PSMD1: variants seen among roughly 807,000 people sequenced by gnomAD.
PSMD1 encodes 26S proteasome non-ATPase regulatory subunit 1.
A neutral mutation model predicts 119.0 loss-of-function variants in PSMD1; 18 were observed. The ratio of observed to expected loss-of-function variants is 0.15; its 90% CI spans 0.10 to 0.22. PSMD1 has a LOEUF of 0.22. Ranked by LOEUF, PSMD1 falls within the 10% of genes least tolerant of loss-of-function variation. PSMD1 has a pLI of 1.00. For synonymous variants in PSMD1, 374 were observed against 396.6 expected, an observed-to-expected ratio of 0.94 and a Z score of 0.68; for missense variants, 702 against 1,158.5, an observed-to-expected ratio of 0.61 and a Z score of 5.72.
At chr2:231,133,195 G>A (rs1476157506) in intron 16 of PSMD1, among the ~76,000 whole-genome samples, 1 of 152,102 alleles carries the variant, frequency 6.6e-6, no homozygotes, top group Admixed American at 6.5e-5. Context: ...GTCTCACTCT[G>A]TCGCCCAGCC....
chr2:231,100,390 A>G (rs1294790543), intron 16 of PSMD1, among the ~76,000 whole-genome samples: 1 of 152,142 alleles, frequency 6.6e-6, no homozygotes, highest in East Asian at 1.9e-4. Flanking sequence ...CGCACAGGCT[A>G]AACTAATTCT....
In PSMD1 at chr2:231,161,353, C is replaced by A; in HGVS notation, c.2232C>A (p.Val744=). ...QGILDAGGHN[V]TISLQSRTGH... is the part of the protein sequence containing the mutation. ...CTTTTTCTACAGGTGGTCATAATGT[C>A]ACAATCTCCTTGCAGTCCAGGACTG... Residue 744 remains valine, a synonymous_variant, in exon 20 of 25, where the codon GTC becomes GTA. Transcript: ENST00000308696. The A allele has an allele frequency of 6.2e-7, 1 of 1,609,692 alleles. No homozygotes were observed. Among genetic ancestry groups the A allele is most frequent in the South Asian group, 1.1e-5 (1 of 90,268 alleles).
chr2:231,106,971 A>T (rs1694993145), intron 16 of PSMD1, among the ~76,000 whole-genome samples: 1 of 152,210 alleles, frequency 6.6e-6, no homozygotes, highest in Non-Finnish European at 1.5e-5. Context: ...CAAATCCATC[A>T]TATTAGAGAC....
chr2:231,171,636 A>C (rs1013042319), intron 24 of PSMD1, among the ~76,000 whole-genome samples: 2 of 145,048 alleles, frequency 1.4e-5, no homozygotes, highest in South Asian at 2.2e-4. Flanking sequence ...GGCTCACCGC[A>C]ACCTCCGCCT....
rs1469360415 is a variant in PSMD1, at chr2:231,070,101, A to T, written c.587A>T (p.Lys196Ile). The T allele has an allele frequency of 1.9e-6, 3 of 1,579,940 alleles. No homozygotes were observed. The highest frequency in any genetic ancestry group is 4.6e-5 in the East Asian group (2 of 43,756). The part of the protein sequence containing the change: ...SLMQNKQFRN[K>I]VLRVLVKIYM... ...ATGCAGAATAAACAGTTTCGGAATA[A>T]AGTACTAAGAGTTCTAGTTAAAATC... is the stretch of plus-strand genomic sequence containing the variant. Residue 196 changes from lysine (K) to isoleucine (I), a missense_variant, in exon 6 of 25, where the codon AAA becomes ATA. By Grantham distance (102) the Lys-to-Ile change is moderately radical (BLOSUM62 -3). Around this residue, in one of 9 missense-constraint regions of PSMD1, gnomAD observed 58 missense variants for 54.0 expected, o/e 1.07. Coordinates refer to ENST00000308696, the MANE Select transcript of PSMD1 (RefSeq NM_002807.4).
intron 18 of PSMD1, 22 bp from the exon 19 acceptor site, chr2:231,153,542 A>G (rs759069911): frequency 6.6e-7 from 1 of 1,517,338 alleles, no homozygotes. Flanking sequence ...TTAGACTATA[A>G]TTCTTTCTCT....
chr2:231,074,326 G>A (rs575707656), intron 7 of PSMD1, among the ~76,000 whole-genome samples: 9 of 151,974 alleles, frequency 5.9e-5, no homozygotes, highest in Non-Finnish European at 1.0e-4. Flanking sequence ...GGCTGGTCTC[G>A]AACTCCTGAC....
At chr2:231,148,086 C>G (rs138998696) in intron 18 of PSMD1, among the ~76,000 whole-genome samples, 12 of 152,314 alleles carry the variant, frequency 7.9e-5, no homozygotes, top group Admixed American at 2.6e-4. Context: ...TAACGTATTA[C>G]TTAATATACT....
chr2:231,108,938 A>G, intron 16 of PSMD1: 2 of 1,614,164 alleles, frequency 1.2e-6, no homozygotes, highest in South Asian at 1.1e-5. Context: ...TATATTTGTA[A>G]TAAAGAAGGG....
At chr2:231,058,217 C>CTA (rs1378434796) in intron 1 of PSMD1, among the ~76,000 whole-genome samples, 1 of 152,194 alleles carries the variant, frequency 6.6e-6, no homozygotes, top group Non-Finnish European at 1.5e-5. Flanking sequence ...TTCTTGCCAC[C>CTA]TATAGGCCTC....
At chr2:231,059,934 A>G (rs1209935014) in intron 1 of PSMD1, among the ~76,000 whole-genome samples, 2 of 152,254 alleles carry the variant, frequency 1.3e-5, no homozygotes, top group East Asian at 1.9e-4. Flanking sequence ...CCAAGCCAGG[A>G]CAACCATGTA....
At chr2:231,138,940 A>T in intron 17 of PSMD1, 90 bp downstream of exon 17, 1 of 925,746 alleles carries the variant, frequency 1.1e-6, no homozygotes, top group Middle Eastern at 2.1e-4. Flanking sequence ...GTAAAAATAC[A>T]AGTGCAATGT....
Position 231,170,680 on chromosome 2 carries a change from C to T in PSMD1, c.2830C>T (p.Pro944Ser). The change falls in exon 24 of 25, where the codon CCC becomes TCC. Residue 944 changes from proline to serine, a missense_variant. By Grantham distance (74) the Pro-to-Ser change is moderately conservative. This residue lies in a region of PSMD1 where 152 missense variants were observed against 239.3 expected (regional missense o/e 0.64). Transcript: ENST00000308696. This position sits in a 1 kb window ranked among gnomAD's most constrained non-coding sequence, Gnocchi z 4.1. ...KIEEEEQEPE[P>S]PEPFEYIDD ...CGAGGAGGAGGAACAAGAGCCAGAA[C>T]CCCCAGAACCATTTGAGTATATTGA... 1 of 1,613,762 alleles carries T rather than the reference C, an allele frequency of 6.2e-7. No homozygotes were observed. The highest frequency in any genetic ancestry group is 8.5e-7 in the Non-Finnish European group (1 of 1,179,874).
intron 16 of PSMD1, among the ~76,000 whole-genome samples, chr2:231,090,770 GT>G (rs1409040342): frequency 3.9e-5 from 6 of 152,132 alleles, no homozygotes; most frequent in East Asian, 1.9e-4. Context: ...ACTTTGAGGG[GT>G]TCAAGGCTTT....
Position 231,082,969 on chromosome 2 carries a change from C to A in PSMD1, c.1500C>A (p.Asn500Lys). Residue 500 changes from asparagine to lysine, a missense_variant, in exon 13 of 25, where the codon AAC (asparagine) becomes AAA (lysine). This residue lies in a region of PSMD1 where 272 missense variants were observed against 511.6 expected (regional missense o/e 0.53). Transcript: ENST00000308696. Reference sequence around the variant, plus strand: ...ATGTTTATGATTTGCTAAAAACAAACCTTTATCAGGATGATGCAGTAACAG... The same window carrying A: ...ATGTTTATGATTTGCTAAAAACAAAACTTTATCAGGATGATGCAGTAACAG... The part of the protein sequence containing the change: ...RQDVYDLLKT[N>K]LYQDDAVTGE... 1 of 1,613,712 alleles carries A rather than the reference C, an allele frequency of 6.2e-7. No individual in the cohort carries two copies. Among genetic ancestry groups the A allele is most frequent in the Non-Finnish European group, 8.5e-7 (1 of 1,179,676 alleles).
At chr2:231,152,931 A>G (rs919023191) in intron 18 of PSMD1, among the ~76,000 whole-genome samples, 2 of 152,214 alleles carry the variant, frequency 1.3e-5, no homozygotes, top group African/African-American at 4.8e-5. Context: ...TAAAAATAAT[A>G]CATATTAATT....
chr2:231,065,782 T>C (rs1693896914), intron 4 of PSMD1, among the ~76,000 whole-genome samples: 1 of 152,190 alleles, frequency 6.6e-6, no homozygotes, highest in South Asian at 2.1e-4. Flanking sequence ...TGCACCCAAA[T>C]CATTGTGAAA....
chr2:231,101,809 T>A (rs1242792266), intron 16 of PSMD1, among the ~76,000 whole-genome samples: 1 of 152,142 alleles, frequency 6.6e-6, no homozygotes. Context: ...TTTTTAGCTA[T>A]AAAGGTTGTT....
At chr2:231,120,435 A>G (rs1695498632) in intron 16 of PSMD1, among the ~76,000 whole-genome samples, 1 of 152,198 alleles carries the variant, frequency 6.6e-6, no homozygotes, top group South Asian at 2.1e-4. Context: ...GATTTTAGGA[A>G]TTATGGACAA....
Sources: allele counts gnomAD v4.1 joint callset (sites outside exome capture counted in the v4.1 genomes callset), GRCh38; gene constraint gnomAD v4.1.1; regional missense constraint gnomAD v4.1.1; non-coding constraint Gnocchi (gnomAD v3.1); transcripts MANE v1.5; gene names NCBI Gene and HGNC (gene_info 2026-07-23, HGNC 2026-07-21).